The following LAMA2 variants were observed in gnomAD, a reference collection of about 807,000 sequenced individuals.
LAMA2 encodes the protein laminin subunit alpha-2.
A neutral mutation model predicts 364.8 loss-of-function variants in LAMA2; 269 were observed. The ratio of observed to expected loss-of-function variants is 0.74; its 90% CI spans 0.67 to 0.82. The LOEUF (loss-of-function observed/expected upper bound fraction) is 0.82, where lower values mean the gene tolerates loss of function less well. LAMA2 is among the 40% of genes least tolerant of loss of function. LAMA2 has a pLI of 0.00. For missense variants in LAMA2, 3,807 were observed against 3,873.2 expected (o/e 0.98, Z 0.45); for synonymous variants, 1,379 against 1,370.6 (o/e 1.01, Z -0.14).
intron 1 of LAMA2, among the ~76,000 whole-genome samples, chr6:128,886,893 T>C (rs1233706030): frequency 6.6e-6 from 1 of 152,176 alleles, no homozygotes; most frequent in Non-Finnish European, 1.5e-5. Flanking sequence ...TGAGGGATGC[T>C]TTATGAGGGA....
chr6:129,460,348 C>T, intron 49 of LAMA2, 24 bp downstream of exon 49: 1 of 1,609,240 alleles, frequency 6.2e-7, no homozygotes, highest in Non-Finnish European at 8.5e-7. Context: ...AGAACTCTCC[C>T]AGGGTCTGTC....
intron 29 of LAMA2, among the ~76,000 whole-genome samples, chr6:129,332,231 A>G (rs1191932214): frequency 6.6e-6 from 1 of 152,224 alleles, no homozygotes; most frequent in Non-Finnish European, 1.5e-5. Flanking sequence ...ATGTATTACC[A>G]CTGTAAAGAA....
At chr6:129,477,387 C>CTGA (rs746428930) in intron 53 of LAMA2, among the ~76,000 whole-genome samples, 17 of 152,158 alleles carry the variant, frequency 1.1e-4, no homozygotes, top group Admixed American at 7.2e-4. Flanking sequence ...CACTGACATT[C>CTGA]TGATAGCCTT....
chr6:129,284,330 AT>A (rs1036845291), intron 18 of LAMA2, among the ~76,000 whole-genome samples: 1 of 152,114 alleles, frequency 6.6e-6, no homozygotes, highest in Non-Finnish European at 1.5e-5. Flanking sequence ...AGTCAGCACT[AT>A]CATCCTGAAA....
intron 54 of LAMA2, among the ~76,000 whole-genome samples, chr6:129,480,620 T>G (rs1784299492): frequency 6.6e-6 from 1 of 152,174 alleles, no homozygotes. Context: ...GAGATTGAGA[T>G]GGGGAGCTGA....
rs763815272 is a variant in LAMA2 at position 129,516,230 on chromosome 6, C to G, written c.9252C>G (p.Phe3084Leu). The G allele has an allele frequency of 1.2e-6, 2 of 1,614,064 alleles. No homozygotes were observed. The highest frequency in any genetic ancestry group is 1.7e-6 in the Non-Finnish European group (2 of 1,180,002). ...KQFGLTTSIP[F>L]RGCIRSLKLT... ...TTGGCCTAACAACCAGTATTCCGTTCCGAGGTTGCATCAGATCCCTGAAGC... is the reference window on the plus strand; with the variant it reads ...TTGGCCTAACAACCAGTATTCCGTTGCGAGGTTGCATCAGATCCCTGAAGC... The change falls in exon 65 of 65, where the codon TTC (phenylalanine) becomes TTG (leucine). Residue 3084 changes from phenylalanine to leucine, a missense_variant. By Grantham distance (22) the Phe-to-Leu change is conservative. Around this residue, in one of 3 missense-constraint regions of LAMA2, gnomAD observed 3,333 missense variants for 3,345.7 expected, o/e 1.00. Transcript: ENST00000421865.
intron 56 of LAMA2, among the ~76,000 whole-genome samples, chr6:129,491,466 C>A (rs1784858202): frequency 6.6e-6 from 1 of 152,170 alleles, no homozygotes. Context: ...GCTGTTGATT[C>A]CTGCAATCTA....
intron 1 of LAMA2, among the ~76,000 whole-genome samples, chr6:129,005,652 G>T (rs1403764537): frequency 6.6e-6 from 1 of 150,926 alleles, no homozygotes; most frequent in South Asian, 2.1e-4. Context: ...CTGAAAAGTT[G>T]TTCAATTATT....
Position 129,297,683 on chromosome 6 carries a change from A to G in LAMA2, c.2857-2A>G, listed in dbSNP as rs752354758. On this transcript the variant is annotated splice_acceptor_variant, in intron 20 of 64. Transcript: ENST00000421865. LOFTEE classifies it high-confidence loss of function. Reference sequence around the variant, plus strand: ...AATTTTTCTCTCCTCTTCCATTGCCAGGCTGGGACCTTTGGCCTACAATCA... The same window carrying G: ...AATTTTTCTCTCCTCTTCCATTGCCGGGCTGGGACCTTTGGCCTACAATCA... 6.2e-7 allele frequency: 1 copy of G among 1,613,530 alleles called. No individual in the cohort carries two copies.
intron 3 of LAMA2, among the ~76,000 whole-genome samples, chr6:129,062,164 A>G (rs1051858498): frequency 1.3e-5 from 2 of 152,210 alleles, no homozygotes; most frequent in Admixed American, 6.5e-5. Flanking sequence ...TATGGATGGT[A>G]TATTGTACTG....
At chr6:129,323,220 T>C (rs538818769) in intron 28 of LAMA2, among the ~76,000 whole-genome samples, 2 of 152,328 alleles carry the variant, frequency 1.3e-5, no homozygotes, top group South Asian at 2.1e-4. Context: ...AAGGGCAGTT[T>C]TGAAATAATA....
intron 12 of LAMA2, among the ~76,000 whole-genome samples, chr6:129,228,641 G>C (rs1784484534): frequency 1.3e-5 from 2 of 152,034 alleles, no homozygotes; most frequent in Non-Finnish European, 2.9e-5. Context: ...GAAAGAGAGA[G>C]CATATATACC....
intron 12 of LAMA2, among the ~76,000 whole-genome samples, chr6:129,244,448 G>A (rs1328964085): frequency 6.6e-6 from 1 of 152,054 alleles, no homozygotes; most frequent in Non-Finnish European, 1.5e-5. Flanking sequence ...GATCCTAAAT[G>A]GAAATTGACA....
chr6:128,950,457 T>C (rs568763752), intron 1 of LAMA2, among the ~76,000 whole-genome samples: 1 of 152,290 alleles, frequency 6.6e-6, no homozygotes, highest in East Asian at 1.9e-4. Flanking sequence ...TGGGTAGAAC[T>C]TGAGTATCAT....
chr6:129,308,766 G>A (rs1361744967), intron 22 of LAMA2, among the ~76,000 whole-genome samples: 1 of 152,196 alleles, frequency 6.6e-6, no homozygotes, highest in Admixed American at 6.5e-5. Flanking sequence ...AGGAAGCATA[G>A]CGGCATCTGT....
At chr6:129,368,790 C>T (rs1304519765) in intron 33 of LAMA2, among the ~76,000 whole-genome samples, 8 of 152,138 alleles carry the variant, frequency 5.3e-5, no homozygotes, top group African/African-American at 1.9e-4. Context: ...ATTCACTTGA[C>T]ATTTGTATAC....
At chr6:129,324,300 C>T (rs1183712133) in intron 28 of LAMA2, among the ~76,000 whole-genome samples, 1 of 152,078 alleles carries the variant, frequency 6.6e-6, no homozygotes, top group African/African-American at 2.4e-5. Context: ...TCCTCAGATC[C>T]ACCCTATGAA....
intron 12 of LAMA2, among the ~76,000 whole-genome samples, chr6:129,201,012 CATA>C (rs1349876738): frequency 6.6e-6 from 1 of 152,058 alleles, no homozygotes. Context: ...TGCTCCTGAC[CATA>C]ATTGAATAAT....
At chr6:129,016,692 G>A (rs1490158728) in intron 1 of LAMA2, among the ~76,000 whole-genome samples, 1 of 151,842 alleles carries the variant, frequency 6.6e-6, no homozygotes, top group Non-Finnish European at 1.5e-5. Flanking sequence ...GGTAGAGATA[G>A]GGAGGATTCT....
Sources: allele counts gnomAD v4.1 joint callset (sites outside exome capture counted in the v4.1 genomes callset), GRCh38; gene constraint gnomAD v4.1.1; regional missense constraint gnomAD v4.1.1; transcripts MANE v1.5; gene names NCBI Gene and HGNC (gene_info 2026-07-23, HGNC 2026-07-21).